The following ZC3H12B variants were observed in gnomAD, a reference collection of about 807,000 sequenced individuals.
The protein encoded by ZC3H12B is zinc finger CCCH-type containing 12B, also known as probable ribonuclease ZC3H12B.
ZC3H12B carries 7 observed loss-of-function variants against 43.9 expected under a neutral mutation model. The ratio of observed to expected loss-of-function variants is 0.16; its 90% confidence interval spans 0.09 to 0.30. The LOEUF is 0.30. Among genes scored for constraint, ZC3H12B ranks in the 10% least tolerant of loss-of-function variants. The probability of loss-of-function intolerance (pLI) is 1.00; values close to 1 mark genes in which losing one functional copy is unlikely to be tolerated. For synonymous variants in ZC3H12B, 222 were observed against 241.7 expected, an observed-to-expected ratio of 0.92 and a Z score of 0.76; for missense variants, 475 against 670.2, an observed-to-expected ratio of 0.71 and a Z score of 3.22.
At chrX:65,219,450 C>T in the ZC3H12B span, among the ~76,000 whole-genome samples, 1 of 111,024 alleles carries the variant, frequency 9.0e-6, no homozygotes, top group Non-Finnish European at 1.9e-5. Context: ...AAATAGATAA[C>T]ATAAATTTAA....
the ZC3H12B span, among the ~76,000 whole-genome samples, chrX:65,156,045 G>A: frequency 9.1e-6 from 1 of 109,983 alleles, no homozygotes; most frequent in Non-Finnish European, 1.9e-5. Context: ...TAATTTCTCT[G>A]TGAATCACTT....
the ZC3H12B span, among the ~76,000 whole-genome samples, chrX:65,235,956 G>A: frequency 1.8e-5 from 2 of 111,978 alleles, no homozygotes; most frequent in Non-Finnish European, 1.9e-5. Flanking sequence ...GCAACAGAAG[G>A]AAAGCTCTCA....
At chrX:65,295,053 A>T in the ZC3H12B span, among the ~76,000 whole-genome samples, 1 of 111,756 alleles carries the variant, frequency 8.9e-6, no homozygotes, top group African/African-American at 3.2e-5. Flanking sequence ...CAGAATATAC[A>T]TTCTATTCAT....
chrX:65,133,266 C>T, the ZC3H12B span, among the ~76,000 whole-genome samples: 27 of 110,929 alleles, frequency 2.4e-4, no homozygotes, highest in Middle Eastern at 4.7e-3. Context: ...TTATTGTACA[C>T]CTTGAAGGTG....
At chrX:65,153,516 A>C in the ZC3H12B span, among the ~76,000 whole-genome samples, 1 of 112,614 alleles carries the variant, frequency 8.9e-6, no homozygotes, top group African/African-American at 3.2e-5. Flanking sequence ...AATGCAAATC[A>C]AAACCACAAT....
the ZC3H12B span, among the ~76,000 whole-genome samples, chrX:65,055,688 T>TAG: frequency 7.2e-5 from 8 of 111,762 alleles, no homozygotes; most frequent in Non-Finnish European, 1.5e-4. Flanking sequence ...GTACCTCTGG[T>TAG]AGAATTCAGC....
At chrX:65,241,440 TG>T in the ZC3H12B span, among the ~76,000 whole-genome samples, 1 of 23,850 alleles carries the variant, frequency 4.2e-5, no homozygotes, top group Non-Finnish European at 7.6e-5. Flanking sequence ...ACCACAAAAA[TG>T]GCAGCTTCCC....
chrX:65,387,186 A>G (rs1201733426), intron 2 of ZC3H12B, among the ~76,000 whole-genome samples: 6 of 111,523 alleles, frequency 5.4e-5, no homozygotes, highest in Non-Finnish European at 9.4e-5. Context: ...GCTGAGTCCA[A>G]TTCCTGGATA....
At chrX:65,138,989 A>G in the ZC3H12B span, among the ~76,000 whole-genome samples, 1 of 112,064 alleles carries the variant, frequency 8.9e-6, no homozygotes, top group African/African-American at 3.2e-5. Flanking sequence ...TTTGGATATT[A>G]TCCTCTCATC....
At chrX:65,184,580 G>A in the ZC3H12B span, among the ~76,000 whole-genome samples, 11 of 111,803 alleles carry the variant, frequency 9.8e-5, no homozygotes, top group East Asian at 2.0e-3. Context: ...AAACAGTAAC[G>A]TGTAAATTGA....
the ZC3H12B span, among the ~76,000 whole-genome samples, chrX:65,211,516 T>A: frequency 9.5e-6 from 1 of 105,398 alleles, no homozygotes. Context: ...TGGTACTATT[T>A]CCATCTTAGA....
intron 1 of ZC3H12B, among the ~76,000 whole-genome samples, chrX:65,367,286 A>G (rs2066185940): frequency 8.9e-6 from 1 of 111,820 alleles, no homozygotes; most frequent in South Asian, 3.7e-4. Context: ...AGCTGCAAAT[A>G]ACATGTTTGC....
chrX:65,374,138 TA>T (rs1244788409), intron 2 of ZC3H12B, among the ~76,000 whole-genome samples: 1 of 76,133 alleles, frequency 1.3e-5, no homozygotes, highest in African/African-American at 5.5e-5. Flanking sequence ...AGTGTATATA[TA>T]ACTATATATA....
At chrX:65,346,780 G>GA in the ZC3H12B span, among the ~76,000 whole-genome samples, 1 of 112,265 alleles carries the variant, frequency 8.9e-6, no homozygotes, top group Admixed American at 9.4e-5. Flanking sequence ...GGGCATCTCT[G>GA]AAAAAAAGGC....
At chrX:65,436,614 G>T (rs2067224770) in intron 3 of ZC3H12B, among the ~76,000 whole-genome samples, 1 of 111,768 alleles carries the variant, frequency 8.9e-6, no homozygotes, top group Non-Finnish European at 1.9e-5. Context: ...TCAAATGGGA[G>T]CTCATATACG....
In ZC3H12B at chrX:65,497,128, T is replaced by TA. The variant is rs11461748; in HGVS notation, c.609-2dup. On this transcript the variant is annotated splice_polypyrimidine_tract_variant and splice_region_variant and intron_variant, in intron 1 of 4. Transcript: ENST00000338957. ...TCTCTCCTCTTATTCTGTATCTTCC[T>TA]AAGCCATGGGAATAAAGAAGAATTC... is the stretch of plus-strand genomic sequence containing the variant. 0.05 allele frequency: 59,914 copies of TA among 1,202,648 alleles called. 14,971 individuals are homozygous for TA. The African/African-American group carries it at 0.83, about 17-fold the overall frequency.
chrX:65,383,651 T>G (rs1470396494), intron 2 of ZC3H12B, among the ~76,000 whole-genome samples: 9 of 110,336 alleles, frequency 8.2e-5, no homozygotes, highest in African/African-American at 3.0e-4. Flanking sequence ...GAAACTACCA[T>G]CAGAGTGAAC....
the ZC3H12B span, among the ~76,000 whole-genome samples, chrX:65,266,773 G>A: frequency 9.0e-6 from 1 of 111,066 alleles, no homozygotes; most frequent in African/African-American, 3.3e-5. Flanking sequence ...CCAGTGCAAG[G>A]GTTTGCCTTT....
At chrX:65,123,152 G>T in the ZC3H12B span, among the ~76,000 whole-genome samples, 3 of 110,792 alleles carry the variant, frequency 2.7e-5, no homozygotes, top group Admixed American at 9.5e-5. Context: ...GTTGAATTTT[G>T]TCCTAGGCCT....
Sources: allele counts gnomAD v4.1 joint callset (sites outside exome capture counted in the v4.1 genomes callset), GRCh38; gene constraint gnomAD v4.1.1; transcripts MANE v1.5; gene names NCBI Gene and HGNC (gene_info 2026-07-23, HGNC 2026-07-21).